The following MUC5AC variants were observed in gnomAD, a reference collection of about 807,000 sequenced individuals.
MUC5AC encodes the protein mucin-5AC.
Under a neutral mutation model 169.7 loss-of-function variants are expected in MUC5AC, and 158 were observed. The observed-to-expected ratio is 0.93, with a 90% CI of 0.82 to 1.06. The LOEUF (loss-of-function observed/expected upper bound fraction) is 1.06, where lower values mean the gene tolerates loss of function less well. MUC5AC is among the 50% of genes least tolerant of loss of function. MUC5AC has a pLI of 0.00. For synonymous variants in MUC5AC, 1,975 were observed against 1,237.0 expected (o/e 1.60, Z -12.52); for missense variants, 4,359 against 3,089.9 (o/e 1.41, Z -9.74).
At chr11:1,200,057 G>A (rs905334226) in intron 48 of MUC5AC, 88 bp downstream of exon 48, 1 of 633,506 alleles carries the variant, frequency 1.6e-6, no homozygotes, top group Non-Finnish European at 2.8e-6. Context: ...GATAGACGAG[G>A]GGCAGGACCA....
In MUC5AC at chr11:1,163,045, A is replaced by C; in HGVS notation, c.679A>C (p.Asn227His). 1.9e-6 allele frequency: 3 copies of C among 1,612,220 alleles called. No individual in the cohort carries two copies. The highest frequency in any genetic ancestry group is 2.5e-6 in the Non-Finnish European group (3 of 1,179,468). Reference protein sequence around the residue: ...MPVVSELLSHNTKLTPMEFGN... With the variant: ...MPVVSELLSHHTKLTPMEFGN... Reference sequence around the variant, plus strand: ...CGTGGTCAGCGAGCTCCTCTCCCACAGTAAGGCCCCACATCGCCCTCAGCC... The same window carrying C: ...CGTGGTCAGCGAGCTCCTCTCCCACCGTAAGGCCCCACATCGCCCTCAGCC... The change falls in exon 6 of 49, where the codon AAC (asparagine) becomes CAC (histidine). Residue 227 changes from asparagine (N) to histidine (H), a missense_variant and splice_region_variant. By Grantham distance (68) the Asn-to-His change is moderately conservative. Coordinates refer to ENST00000621226, the MANE Select transcript of MUC5AC (RefSeq NM_001304359.2).
rs939884739 is a variant in MUC5AC at position 1,200,884 on chromosome 11, C to T, written c.*182C>T. 2.0e-6 allele frequency: 1 copy of T among 501,638 alleles called. No individual in the cohort carries two copies. Among genetic ancestry groups the T allele is most frequent in the African/African-American group, 1.9e-5 (1 of 52,458 alleles). 31.1% of individuals were successfully genotyped at this position (501,638 alleles called of 1,614,324 possible). On this transcript the variant is annotated 3_prime_UTR_variant, in exon 49 of 49. Transcript: ENST00000621226. ...TCACCTGCTGCCTGGAGGAGGGGCC[C>T]TTACCCACCCCGCCTGCAGCCACCT...
At position 1,162,656 on chromosome 11, in the gene MUC5AC, G is replaced by T. The variant is rs781481174; in HGVS notation, c.588+10G>T. 6.8e-6 allele frequency: 11 copies of T among 1,609,736 alleles called. No individual in the cohort carries two copies. Among genetic ancestry groups the T allele is most frequent in the Admixed American group, 3.3e-5 (2 of 60,008 alleles). On this transcript the variant is annotated intron_variant, in intron 5 of 48. Coordinates refer to ENST00000621226, the MANE Select transcript of MUC5AC (RefSeq NM_001304359.2). Reference sequence around the variant, plus strand: ...CGATGACAGCCTGCTGGTGAGGCTGGGTGGGGGTGTCCCGGTGTGCAACTC... The same window carrying T: ...CGATGACAGCCTGCTGGTGAGGCTGTGTGGGGGTGTCCCGGTGTGCAACTC...
intron 4 of MUC5AC, 110 bp downstream of exon 4, chr11:1,162,278 C>A: frequency 6.8e-7 from 1 of 1,476,518 alleles, no homozygotes; most frequent in Non-Finnish European, 9.0e-7. Context: ...TCAGGAAGCC[C>A]CTGAGAGCAG....
chr11:1,191,827 C>T lies in MUC5AC; in HGVS notation c.13682C>T (p.Thr4561Ile), dbSNP rs1203147038. 3.0e-5 allele frequency: 23 copies of T among 760,192 alleles called. No individual in the cohort carries two copies. In the Middle Eastern group the frequency reaches 6.8e-4, roughly 22 times the overall value. 47.1% of individuals were successfully genotyped at this position (760,192 alleles called of 1,614,324 possible). A position where few individuals can be genotyped will look rare whatever the true frequency, so the allele number is the denominator to read the frequency against. The change falls in exon 31 of 49, where the codon ACA (threonine) becomes ATA (isoleucine). Residue 4561 changes from threonine (T) to isoleucine (I), a missense_variant. Transcript: ENST00000621226. Reference sequence around the variant, plus strand: ...ACAACCTCTGCTCCTACAACTAGCACAACCTCTGGTCCTGGAACTACTCCC... The same window carrying T: ...ACAACCTCTGCTCCTACAACTAGCATAACCTCTGGTCCTGGAACTACTCCC... ...TSTTSAPTTS[T>I]TSGPGTTPSP...
rs1861158483 is a variant in MUC5AC at position 1,192,808 on chromosome 11, C to T, written c.14406C>T (p.Asp4802=). The change falls in exon 32 of 49, where the codon GAC becomes GAT. Residue 4802 remains aspartate (D), a synonymous_variant. Coordinates refer to ENST00000621226, the MANE Select transcript of MUC5AC (RefSeq NM_001304359.2). ...PAGSTIYRHR[D]LAGHCYYALC... is the part of the protein sequence containing the mutation. The stretch of plus-strand genomic sequence containing the variant: ...GATCCACCATATACCGCCACAGAGA[C>T]CTCGCTGGCCATTGCTATTATGCCC... The T allele has an allele frequency of 1.3e-6, 1 of 762,686 alleles. No individual in the cohort carries two copies. The highest frequency in any genetic ancestry group is 1.3e-5 in the South Asian group (1 of 74,578). 47.2% of individuals were successfully genotyped at this position (762,686 alleles called of 1,614,324 possible). A position where few individuals can be genotyped will look rare whatever the true frequency, so the allele number is the denominator to read the frequency against.
Position 1,187,231 on chromosome 11 carries a change from C to G in MUC5AC, c.9086C>G (p.Thr3029Ser), listed in dbSNP as rs1477077809. The change falls in exon 31 of 49, where the codon ACC becomes AGC. Residue 3029 changes from threonine (T) to serine (S), a missense_variant. Transcript: ENST00000621226. ...STTLAPTTST[T>S]SAPTTSTTST... ...ACCTTAGCTCCTACAACCAGCACAA[C>G]CTCTGCCCCTACAACCAGCACAACC... 3 of 699,644 alleles carry G rather than the reference C, an allele frequency of 4.3e-6. No homozygotes were observed. The highest frequency in any genetic ancestry group is 7.8e-6 in the Non-Finnish European group (3 of 384,562). 43.3% of individuals were successfully genotyped at this position (699,644 alleles called of 1,614,324 possible).
At position 1,193,948 on chromosome 11, in the gene MUC5AC, C is replaced by T. The variant is rs1006617199; in HGVS notation, c.14756-162C>T. 6.6e-5 allele frequency among the ~76,000 whole-genome samples: 10 copies of T among 152,224 alleles called. 1 individual carries two copies. The highest frequency in any genetic ancestry group is 1.3e-4 in the Non-Finnish European group (9 of 68,042). ...AGCGCCCGCTGGATGGAGCTCTGTG[C>T]GGACGCTGGCCACGTGTGTTCTGAT... On this transcript the variant is annotated intron_variant, in intron 33 of 48. Coordinates refer to ENST00000621226, the MANE Select transcript of MUC5AC (RefSeq NM_001304359.2).
chr11:1,170,362 ACCTCACTCACGCG>A (rs1860468025), intron 15 of MUC5AC, among the ~76,000 whole-genome samples: 1 of 91,034 alleles, frequency 1.1e-5, no homozygotes, highest in Non-Finnish European at 2.2e-5. Flanking sequence ...CCACTCACTC[ACCTCACTCACGCG>A]CCCACTCACC....
chr11:1,172,332 G>A (rs1382794017), intron 15 of MUC5AC, 97 bp from the exon 16 acceptor site: 72 of 398,430 alleles, frequency 1.8e-4, no homozygotes, highest in South Asian at 9.1e-4. Flanking sequence ...ACTGCCCAGA[G>A]AAGCTGGCCA....
chr11:1,194,420 C>T (rs1352958262), intron 34 of MUC5AC, 60 bp downstream of exon 34: 2 of 711,714 alleles, frequency 2.8e-6, no homozygotes, highest in Non-Finnish European at 2.6e-6. Context: ...CCGGCAAGAG[C>T]CTGAGCAGCG....
chr11:1,173,554 C>T (rs1308092608), intron 16 of MUC5AC, among the ~76,000 whole-genome samples: 1 of 145,846 alleles, frequency 6.9e-6, no homozygotes, highest in Non-Finnish European at 1.5e-5. Flanking sequence ...CTCACTAATT[C>T]CTTCACCTAC....
At position 1,190,892 on chromosome 11, in the gene MUC5AC, A is replaced by C; in HGVS notation, c.12747A>C (p.Thr4249=). 9 of 738,834 alleles carry C rather than the reference A, an allele frequency of 1.2e-5. No individual in the cohort carries two copies. The highest frequency in any genetic ancestry group is 1.5e-5 in the Non-Finnish European group (6 of 405,670). The allele number at this position is 738,834 out of a possible 1,614,324, so 45.8% of individuals were successfully genotyped here. The stretch of plus-strand genomic sequence containing the variant: ...CAACTTCTGCTCCTACAACCAGCAC[A>C]ACCTCTGGTCCTGGAACTACTCCAA... The part of the protein sequence containing the change: ...TSTTSAPTTS[T]TSGPGTTPSP... The change falls in exon 31 of 49, where the codon ACA becomes ACC. Residue 4249 remains threonine (T), a synonymous_variant. Coordinates refer to ENST00000621226, the MANE Select transcript of MUC5AC (RefSeq NM_001304359.2).
At chr11:1,171,092 C>T (rs1416903614) in intron 15 of MUC5AC, among the ~76,000 whole-genome samples, 8 of 126,322 alleles carry the variant, frequency 6.3e-5, no homozygotes, top group East Asian at 4.5e-4. Context: ...ACACACTCAC[C>T]GACTCAACCA....
At chr11:1,167,395 A>G (rs570970290) in intron 11 of MUC5AC, among the ~76,000 whole-genome samples, 1 of 152,338 alleles carries the variant, frequency 6.6e-6, no homozygotes, top group East Asian at 1.9e-4. Flanking sequence ...CAGTTTCCCT[A>G]TGATGATACC....
At position 1,177,764 on chromosome 11, in the gene MUC5AC, TG is replaced by T. The variant is rs1220399404; in HGVS notation, c.3087+138del. ...ACAGAGATGGAAGCGGGGTGGGAAG[TG>T]GGGGGGACGGAGCCTTGGCAAGGGC... On this transcript the variant is annotated intron_variant, in intron 24 of 48. Transcript: ENST00000621226. 2.1e-3 allele frequency: 622 copies of T among 293,608 alleles called. 8 individuals are homozygous for T. The highest frequency in any genetic ancestry group is 5.5e-3 in the Middle Eastern group (6 of 1,082). The allele number at this position is 293,608 out of a possible 1,614,324, so 18.2% of individuals were successfully genotyped here.
At position 1,184,647 on chromosome 11, in the gene MUC5AC, A is replaced by G. The variant is rs1297310673; in HGVS notation, c.6502A>G (p.Lys2168Glu). The change falls in exon 31 of 49, where the codon AAG (lysine) becomes GAG (glutamate). Residue 2168 changes from lysine (K) to glutamate (E), a missense_variant. Coordinates refer to ENST00000621226, the MANE Select transcript of MUC5AC (RefSeq NM_001304359.2). ...GATCACCAGGCTCCAGTGCCGAGCCAAGAGCCACCCAGAGGTGAGCATCGA... is the reference window on the plus strand; with the variant it reads ...GATCACCAGGCTCCAGTGCCGAGCCGAGAGCCACCCAGAGGTGAGCATCGA... ...EEITRLQCRA[K>E]SHPEVSIEHL... 772 of 656,892 alleles carry G rather than the reference A, an allele frequency of 1.2e-3. No individual in the cohort carries two copies. Among genetic ancestry groups the G allele is most frequent in the Middle Eastern group, 4.3e-3 (17 of 3,944 alleles). The allele number at this position is 656,892 out of a possible 1,614,324, so 40.7% of individuals were successfully genotyped here.
chr11:1,159,917 C>T (rs1234043916), intron 1 of MUC5AC, among the ~76,000 whole-genome samples: 4 of 81,986 alleles, frequency 4.9e-5, no homozygotes, highest in South Asian at 4.4e-4. Context: ...GCTGGCTCTG[C>T]GACGGGCTGT....
intron 1 of MUC5AC, among the ~76,000 whole-genome samples, chr11:1,159,626 C>A (rs1418534847): frequency 9.1e-6 from 1 of 109,582 alleles, no homozygotes; most frequent in Admixed American, 1.1e-4. Context: ...GGGTCTGGTC[C>A]CACCATGCTG....
Sources: allele counts gnomAD v4.1 joint callset (sites outside exome capture counted in the v4.1 genomes callset), GRCh38; gene constraint gnomAD v4.1.1; transcripts MANE v1.5; gene names NCBI Gene and HGNC (gene_info 2026-07-23, HGNC 2026-07-21).